Variants in AP1G1 observed in about 807,000 individuals in gnomAD.
AP1G1 encodes AP-1 complex subunit gamma-1.
In AP1G1, 7 loss-of-function variants were observed where a neutral mutation model predicts 108.3. That is an observed-to-expected ratio of 0.06 (90% confidence interval 0.04 to 0.12). The LOEUF is 0.12. Ranked by LOEUF, AP1G1 falls within the 10% of genes least tolerant of loss-of-function variation. The probability of loss-of-function intolerance (pLI) is 1.00; values close to 1 mark genes in which losing one functional copy is unlikely to be tolerated. For synonymous variants in AP1G1, 379 were observed against 353.5 expected, an observed-to-expected ratio of 1.07 and a Z score of -0.81; for missense variants, 756 against 1,010.7, an observed-to-expected ratio of 0.75 and a Z score of 3.42.
rs1352652524 is a variant in AP1G1, at chr16:71,789,487, A to T, written c.-3-5T>A. 1 of 1,613,600 alleles carries T rather than the reference A, an allele frequency of 6.2e-7. No homozygotes were observed. Among genetic ancestry groups the T allele is most frequent in the Admixed American group, 1.7e-5 (1 of 59,996 alleles). Reference sequence around the variant, plus strand: ...TCTGATGGGGGCTGGCATCCTCTGGATATGGAAAGACATTAAATAGAGATG... The same window carrying T: ...TCTGATGGGGGCTGGCATCCTCTGGTTATGGAAAGACATTAAATAGAGATG... On this transcript the variant is annotated splice_region_variant and splice_polypyrimidine_tract_variant and intron_variant, in intron 1 of 22. Transcript: ENST00000299980.
Position 71,774,546 on chromosome 16 carries a change from C to T in AP1G1, c.248G>A (p.Arg83His). ...CAGCATTGCCCCTAAATAGCCAATG[C>T]GTTTGTCTGTAAATTTTTGAGAGGC... ...LIASQKFTDKRIGYLGAMLLL... is the reference protein window; with the variant it reads ...LIASQKFTDKHIGYLGAMLLL... The change falls in exon 3 of 23, where the codon CGC becomes CAC. Residue 83 changes from arginine to histidine, a missense_variant. By Grantham distance (29) the Arg-to-His change is conservative. Around this residue, in one of 3 missense-constraint regions of AP1G1, gnomAD observed 304 missense variants for 483.6 expected, o/e 0.63. Transcript: ENST00000299980. The T allele has an allele frequency of 6.3e-7, 1 of 1,598,918 alleles. No homozygotes were observed. The highest frequency in any genetic ancestry group is 8.5e-7 in the Non-Finnish European group (1 of 1,175,854).
intron 11 of AP1G1, 126 bp from the exon 12 acceptor site, chr16:71,756,285 A>T (rs2030780750): frequency 2.7e-6 from 2 of 743,432 alleles, no homozygotes; most frequent in Non-Finnish European, 2.1e-6. Context: ...CGATCTTGTG[A>T]TCCCAATCTT....
At chr16:71,755,952 A>G in intron 12 of AP1G1, 67 bp downstream of exon 12, 1 of 1,538,200 alleles carries the variant, frequency 6.5e-7, no homozygotes, top group Non-Finnish European at 8.8e-7. Context: ...CCCCCTCCCC[A>G]TGTTTTAAAG....
At chr16:71,787,438 C>A (rs1445183187) in intron 2 of AP1G1, among the ~76,000 whole-genome samples, 1 of 151,950 alleles carries the variant, frequency 6.6e-6, no homozygotes, top group Non-Finnish European at 1.5e-5. Flanking sequence ...TGACAGTGAG[C>A]CATCACAGAG....
intron 5 of AP1G1, among the ~76,000 whole-genome samples, chr16:71,770,442 C>T (rs1291116690): frequency 6.6e-6 from 1 of 152,312 alleles, no homozygotes; most frequent in Non-Finnish European, 1.5e-5. Flanking sequence ...TTCTGAGTAC[C>T]TAATACAAGC....
In AP1G1 at chr16:71,789,457, C is replaced by G; in HGVS notation, c.23G>C (p.Arg8Pro). MPAPIRL[R>P]ELIRTIRTAR... Reference sequence around the variant, plus strand: ...TGTCCGGATGGTCCGGATCAGCTCCCGCAATCTGATGGGGGCTGGCATCCT... The same window carrying G: ...TGTCCGGATGGTCCGGATCAGCTCCGGCAATCTGATGGGGGCTGGCATCCT... The change falls in exon 2 of 23, where the codon CGG (arginine) becomes CCG (proline). Residue 8 changes from arginine to proline, a missense_variant. Transcript: ENST00000299980. 6.2e-7 allele frequency: 1 copy of G among 1,614,076 alleles called. No homozygotes were observed. Among genetic ancestry groups the G allele is most frequent in the Non-Finnish European group, 8.5e-7 (1 of 1,180,020 alleles).
rs73582218 is a variant in AP1G1, at chr16:71,738,519, T to C, written c.2268+423A>G. On this transcript the variant is annotated intron_variant, in intron 21 of 22. Coordinates refer to ENST00000299980, the MANE Select transcript of AP1G1 (RefSeq NM_001128.6). ...CATTTATGTATCAAGAGAGAAAAAA[T>C]TTCAATTCTGATCTGGTTAACTAGA... Among the ~76,000 whole-genome samples, 376 of 152,234 alleles carry C rather than the reference T, an allele frequency of 2.5e-3. 2 individuals are homozygous for C. The highest frequency in any genetic ancestry group is 8.1e-3 in the African/African-American group (337 of 41,528).
At chr16:71,734,747 CACA>C (rs1362673465) in intron 21 of AP1G1, 40 bp from the exon 22 acceptor site, 2 of 1,530,640 alleles carry the variant, frequency 1.3e-6, no homozygotes, top group Non-Finnish European at 1.8e-6. Context: ...AAAAGAATTA[CACA>C]ACGCTAGGTC....
chr16:71,732,836 A>T lies in AP1G1; in HGVS notation c.*222T>A. 2 of 471,008 alleles carry T rather than the reference A, an allele frequency of 4.2e-6. No homozygotes were observed. The highest frequency in any genetic ancestry group is 7.6e-6 in the Non-Finnish European group (2 of 264,556). 29.2% of individuals were successfully genotyped at this position (471,008 alleles called of 1,614,324 possible). A position where few individuals can be genotyped will look rare whatever the true frequency, so the allele number is the denominator to read the frequency against. On this transcript the variant is annotated 3_prime_UTR_variant, in exon 23 of 23. Transcript: ENST00000299980. ...GGAAAAAGGAGAAGAGGAAGAGTGC[A>T]AAGTAGCCTCCAGAAGCAGCCAGCC...
intron 8 of AP1G1, 89 bp downstream of exon 8, chr16:71,764,557 A>G: frequency 2.4e-6 from 3 of 1,267,416 alleles, no homozygotes; most frequent in East Asian, 2.5e-5. Flanking sequence ...ATGAGGAAAC[A>G]CAAATAAAAA....
chr16:71,777,592 T>C (rs2031839434), intron 2 of AP1G1: 16 of 397,788 alleles, frequency 4.0e-5, no homozygotes, highest in South Asian at 3.1e-4. Context: ...CCCCAGCCTG[T>C]TGGCAGGCGG....
Position 71,745,505 on chromosome 16 carries a change from G to A in AP1G1, c.1840C>T (p.Pro614Ser). The part of the protein sequence containing the change: ...ETEPAPLETK[P>S]PPSGPQPTSQ... Reference sequence around the variant, plus strand: ...GTGGGCTGTGGCCCAGAGGGTGGCGGTTTGGTCTCTAGTGGAGCTGGTTCT... The same window carrying A: ...GTGGGCTGTGGCCCAGAGGGTGGCGATTTGGTCTCTAGTGGAGCTGGTTCT... The change falls in exon 18 of 23, where the codon CCG becomes TCG. Residue 614 changes from proline (P) to serine (S), a missense_variant. This residue lies in a region of AP1G1 where 357 missense variants were observed against 366.5 expected (regional missense o/e 0.97). Transcript: ENST00000299980. 6.2e-7 allele frequency: 1 copy of A among 1,614,202 alleles called. No individual in the cohort carries two copies. The highest frequency in any genetic ancestry group is 8.5e-7 in the Non-Finnish European group (1 of 1,180,034).
intron 1 of AP1G1, chr16:71,807,974 T>C: frequency 1.6e-6 from 2 of 1,239,624 alleles, no homozygotes; most frequent in Middle Eastern, 2.3e-4. Context: ...CAAAAGCCAT[T>C]TAATCTGCTT....
chr16:71,736,458 G>A (rs2145410917), intron 21 of AP1G1, among the ~76,000 whole-genome samples: 1 of 150,192 alleles, frequency 6.7e-6, no homozygotes, highest in Non-Finnish European at 1.5e-5. Flanking sequence ...TCGGCTCACT[G>A]CAAGCTCCAT....
At chr16:71,739,702 G>A (rs997081840) in intron 19 of AP1G1, among the ~76,000 whole-genome samples, 2 of 149,100 alleles carry the variant, frequency 1.3e-5, no homozygotes, top group African/African-American at 5.0e-5. Context: ...CAGTGAGCTT[G>A]CACCACTGTA....
chr16:71,780,019 A>T (rs1171341071), intron 2 of AP1G1, among the ~76,000 whole-genome samples: 1 of 148,342 alleles, frequency 6.7e-6, no homozygotes, highest in Non-Finnish European at 1.5e-5. Context: ...TTTGAGACGA[A>T]GTCTGGCTCT....
Position 71,756,058 on chromosome 16 carries a change from T to C in AP1G1, c.1190A>G (p.Lys397Arg). 6.2e-7 allele frequency: 1 copy of C among 1,613,380 alleles called. No individual in the cohort carries two copies. Residue 397 changes from lysine (K) to arginine (R), a missense_variant, in exon 12 of 23, where the codon AAA becomes AGA. This residue lies in a region of AP1G1 where 357 missense variants were observed against 366.5 expected (regional missense o/e 0.97). Coordinates refer to ENST00000299980, the MANE Select transcript of AP1G1 (RefSeq NM_001128.6). ...YFLDSCEPEF[K>R]ADCASGIFLA... ...AAAGATTCCAGATGCACAGTCTGCT[T>C]TAAATTCTGGCTCACACGAATCCAG...
chr16:71,735,962 C>T (rs540648891), intron 21 of AP1G1, among the ~76,000 whole-genome samples: 1 of 150,846 alleles, frequency 6.6e-6, no homozygotes. Context: ...AAAACCCCAT[C>T]TCTACTAAAA....
At chr16:71,762,616 C>A (rs1380377819) in intron 9 of AP1G1, among the ~76,000 whole-genome samples, 2 of 152,198 alleles carry the variant, frequency 1.3e-5, no homozygotes, top group Non-Finnish European at 2.9e-5. Flanking sequence ...TTCAGAGGAG[C>A]TTCCAGATAG....
Sources: allele counts gnomAD v4.1 joint callset (sites outside exome capture counted in the v4.1 genomes callset), GRCh38; gene constraint gnomAD v4.1.1; regional missense constraint gnomAD v4.1.1; transcripts MANE v1.5; gene names NCBI Gene and HGNC (gene_info 2026-07-23, HGNC 2026-07-21).